The following LSAMP variants were observed in gnomAD, a reference collection of about 807,000 sequenced individuals.
The protein encoded by LSAMP is limbic system associated membrane protein, also known as limbic system-associated membrane protein.
In LSAMP, 7 loss-of-function variants were observed where a neutral mutation model predicts 38.6. The ratio of observed to expected loss-of-function variants is 0.18; its 90% CI spans 0.10 to 0.34. The LOEUF (loss-of-function observed/expected upper bound fraction) is 0.34. Ranked by LOEUF, LSAMP falls within the 10% of genes least tolerant of loss-of-function variation. The pLI is 1.00. For synonymous variants in LSAMP, 154 were observed against 166.8 expected, an observed-to-expected ratio of 0.92 and a Z score of 0.59; for missense variants, 313 against 420.0, an observed-to-expected ratio of 0.75 and a Z score of 2.23.
At position 116,445,266 on chromosome 3, in the gene LSAMP, C is replaced by G. The variant is rs2049496056; in HGVS notation, c.-235G>C. 2 of 589,872 alleles carry G rather than the reference C, an allele frequency of 3.4e-6. No individual in the cohort carries two copies. The highest frequency in any genetic ancestry group is 3.1e-5 in the Admixed American group (1 of 32,412). The allele number at this position is 589,872 out of a possible 1,614,324, so 36.5% of individuals were successfully genotyped here. On this transcript the variant is annotated 5_prime_UTR_variant, in exon 1 of 7. Coordinates refer to ENST00000490035, the MANE Select transcript of LSAMP (RefSeq NM_002338.5). ...AGAAGGGTGAAAAGTAAAAGCAACACAATTTCAAAAGAGAGAGTGCAAATA... is the reference window on the plus strand; with the variant it reads ...AGAAGGGTGAAAAGTAAAAGCAACAGAATTTCAAAAGAGAGAGTGCAAATA...
chr3:116,175,142 G>T (rs894260656), intron 1 of LSAMP, among the ~76,000 whole-genome samples: 2 of 117,948 alleles, frequency 1.7e-5, no homozygotes, highest in Admixed American at 9.1e-5. Context: ...TAGGTTTATT[G>T]TTCTTTAGTT....
chr3:116,342,735 G>A (rs916525527), intron 1 of LSAMP, among the ~76,000 whole-genome samples: 6 of 152,086 alleles, frequency 3.9e-5, no homozygotes, highest in African/African-American at 1.4e-4. Context: ...AACATCAAGA[G>A]CATGTGACAT....
At chr3:115,860,480 CAT>C (rs763050574) in intron 3 of LSAMP, among the ~76,000 whole-genome samples, 5 of 152,126 alleles carry the variant, frequency 3.3e-5, no homozygotes, top group Non-Finnish European at 1.5e-5. Context: ...GAGAATAAGA[CAT>C]GTGAGAAATT....
chr3:115,868,754 C>T (rs1341612809), intron 3 of LSAMP, among the ~76,000 whole-genome samples: 1 of 152,000 alleles, frequency 6.6e-6, no homozygotes, highest in African/African-American at 2.4e-5. Flanking sequence ...AGAAAAGATA[C>T]TAACTTTTCC....
At chr3:116,167,018 C>G (rs1358736203) in intron 1 of LSAMP, among the ~76,000 whole-genome samples, 1 of 152,036 alleles carries the variant, frequency 6.6e-6, no homozygotes, top group Non-Finnish European at 1.5e-5. Context: ...GTCTTGATCT[C>G]CTGACCTCGT....
At chr3:115,956,529 T>C (rs1290712503) in intron 3 of LSAMP, among the ~76,000 whole-genome samples, 4 of 152,098 alleles carry the variant, frequency 2.6e-5, no homozygotes, top group Non-Finnish European at 4.4e-5. Context: ...ACCTCTATTC[T>C]TAGTTCAGAC....
At chr3:115,865,135 A>G (rs1935820755) in intron 3 of LSAMP, among the ~76,000 whole-genome samples, 1 of 152,196 alleles carries the variant, frequency 6.6e-6, no homozygotes, top group African/African-American at 2.4e-5. Flanking sequence ...ATTGCAAGGC[A>G]TATCTATTTG....
At chr3:116,310,914 GT>G (rs35763101) in intron 1 of LSAMP, among the ~76,000 whole-genome samples, 12,219 of 28,530 alleles carry the variant, frequency 0.43, 1,577 homozygotes, top group African/African-American at 0.49. Flanking sequence ...ATGATAAGTT[GT>G]TTTTTTTTTT....
At chr3:116,007,853 G>T (rs1576302724) in intron 3 of LSAMP, among the ~76,000 whole-genome samples, 1 of 152,130 alleles carries the variant, frequency 6.6e-6, no homozygotes, top group Admixed American at 6.6e-5. Context: ...CACCTGAAGG[G>T]CATGTTAAGC....
intron 1 of LSAMP, among the ~76,000 whole-genome samples, chr3:116,272,247 G>A (rs1489966677): frequency 6.6e-6 from 1 of 152,048 alleles, no homozygotes; most frequent in African/African-American, 2.4e-5. Context: ...GACTTATCCT[G>A]AGTCCTGTTT....
At chr3:116,282,159 T>C (rs1006103611) in intron 1 of LSAMP, among the ~76,000 whole-genome samples, 1 of 152,110 alleles carries the variant, frequency 6.6e-6, no homozygotes, top group African/African-American at 2.4e-5. Context: ...TTCATTGAAA[T>C]AGTGAGAGTT....
intron 2 of LSAMP, among the ~76,000 whole-genome samples, chr3:116,049,215 A>G (rs1920384): frequency 0.47 from 71,895 of 151,984 alleles, 18,589 homozygotes; most frequent in African/African-American, 0.7. Context: ...AGAATCAGAA[A>G]GCATCAGTGT....
intron 1 of LSAMP, among the ~76,000 whole-genome samples, chr3:116,113,853 A>G (rs574092987): frequency 6.6e-6 from 1 of 152,296 alleles, no homozygotes; most frequent in African/African-American, 2.4e-5. Flanking sequence ...TGGATATGAG[A>G]CTGTTTTTTC....
chr3:116,249,516 G>C (rs1473010628), intron 1 of LSAMP, among the ~76,000 whole-genome samples: 1 of 151,946 alleles, frequency 6.6e-6, no homozygotes, highest in Non-Finnish European at 1.5e-5. Context: ...CTCCTGAGTA[G>C]CTGGGATTAC....
chr3:116,216,092 C>T (rs2046215810), intron 1 of LSAMP, among the ~76,000 whole-genome samples: 1 of 152,122 alleles, frequency 6.6e-6, no homozygotes, highest in Non-Finnish European at 1.5e-5. Context: ...CCATAGTTTC[C>T]AGTGTGATTC....
intron 1 of LSAMP, among the ~76,000 whole-genome samples, chr3:116,241,496 G>T (rs1427011209): frequency 6.6e-6 from 1 of 152,152 alleles, no homozygotes; most frequent in African/African-American, 2.4e-5. Context: ...GAACCCAGGA[G>T]GTGGAAGTTG....
chr3:115,813,219 A>G lies in LSAMP; in HGVS notation c.920-2805T>C, dbSNP rs577126604. Among the ~76,000 whole-genome samples, 5 of 152,252 alleles carry G rather than the reference A, an allele frequency of 3.3e-5. No homozygotes were observed. In the South Asian group the frequency reaches 1.0e-3, roughly 32 times the overall value. On this transcript the variant is annotated intron_variant, in intron 6 of 6. Coordinates refer to ENST00000490035, the MANE Select transcript of LSAMP (RefSeq NM_002338.5). ...TACATTACATTTCAGTCAAAGATGA[A>G]CCACGTATACAAAGGAGGTCCTATA...
At chr3:115,999,228 G>C (rs2107655625) in intron 3 of LSAMP, among the ~76,000 whole-genome samples, 1 of 152,298 alleles carries the variant, frequency 6.6e-6, no homozygotes, top group East Asian at 1.9e-4. Context: ...ATCACAAGCA[G>C]CAGGATTTGC....
rs73861420 is a variant in LSAMP at position 116,313,017 on chromosome 3, A to G, written c.155+131860T>C. On this transcript the variant is annotated intron_variant, in intron 1 of 6. Transcript: ENST00000490035. ...CAATGTTAAGGACGCAGTTGCACAA[A>G]TATAGATCCTAAGTTCTTTGGAACA... Among the ~76,000 whole-genome samples the G allele has an allele frequency of 2.1e-3, 316 of 152,314 alleles. 1 individual carries two copies. The highest frequency in any genetic ancestry group is 7.1e-3 in the African/African-American group (297 of 41,578).
Sources: allele counts gnomAD v4.1 joint callset (sites outside exome capture counted in the v4.1 genomes callset), GRCh38; gene constraint gnomAD v4.1.1; transcripts MANE v1.5; gene names NCBI Gene and HGNC (gene_info 2026-07-23, HGNC 2026-07-21).